PIP5K1A: variants seen among roughly 807,000 people sequenced by gnomAD.
PIP5K1A encodes the protein phosphatidylinositol 4-phosphate 5-kinase type-1 alpha.
Under a neutral mutation model 72.9 loss-of-function variants are expected in PIP5K1A, and 46 were observed. The observed-to-expected ratio is 0.63, with a 90% CI of 0.50 to 0.81. The LOEUF (loss-of-function observed/expected upper bound fraction) is 0.81. Ranked by LOEUF, PIP5K1A falls within the 30% of genes least tolerant of loss-of-function variation. The pLI is 0.00. For missense variants in PIP5K1A, 458 were observed against 706.1 expected, an observed-to-expected ratio of 0.65 and a Z score of 3.98; for synonymous variants, 228 against 255.1, an observed-to-expected ratio of 0.89 and a Z score of 1.01.
chr1:151,219,257 C>T (rs1324652693), intron 1 of PIP5K1A, among the ~76,000 whole-genome samples: 4 of 151,598 alleles, frequency 2.6e-5, no homozygotes, highest in African/African-American at 4.9e-5. Context: ...GGTGCACACC[C>T]GTAATCCTGG....
chr1:151,239,031 C>T (rs1053319254), intron 10 of PIP5K1A, 99 bp from the exon 11 acceptor site: 29 of 832,032 alleles, frequency 3.5e-5, no homozygotes, highest in Non-Finnish European at 5.2e-5. Flanking sequence ...TCTGTCTTTT[C>T]AAGATTTTCT....
At chr1:151,234,634 A>C (rs1690594261) in intron 8 of PIP5K1A, 138 bp downstream of exon 8, 2 of 660,900 alleles carry the variant, frequency 3.0e-6, no homozygotes, top group South Asian at 3.8e-5. Flanking sequence ...AGTCTTAATT[A>C]GTTCATTGCC....
chr1:151,229,513 C>A (rs919099534), intron 4 of PIP5K1A, among the ~76,000 whole-genome samples: 3 of 151,740 alleles, frequency 2.0e-5, no homozygotes, highest in Non-Finnish European at 4.4e-5. Flanking sequence ...AGGCATGCAC[C>A]ACCATGCCTG....
chr1:151,215,890 A>G (rs587673937), intron 1 of PIP5K1A: 4 of 769,274 alleles, frequency 5.2e-6, no homozygotes, highest in South Asian at 2.8e-5. Context: ...TTTTAAAAAC[A>G]TGTATGCTTA....
At position 151,198,593 on chromosome 1, in the gene PIP5K1A, GCGATTAACAGGC is replaced by G. The variant is rs1403263502; in HGVS notation, c.-401_-390del. 9.6e-6 allele frequency: 2 copies of G among 208,616 alleles called. No homozygotes were observed. The highest frequency in any genetic ancestry group is 4.7e-5 in the African/African-American group (2 of 42,920). 12.9% of individuals were successfully genotyped at this position (208,616 alleles called of 1,614,324 possible). ...ACCCGGAGTGAAGCGGCCGGGTTGG[GCGATTAACAGGC>G]CGTGGTTAGGAAGGACGGAGAAGGG... is the stretch of plus-strand genomic sequence containing the variant. On this transcript the variant is annotated 5_prime_UTR_variant, in exon 1 of 16. Coordinates refer to ENST00000368888, the MANE Select transcript of PIP5K1A (RefSeq NM_001135638.2).
intron 4 of PIP5K1A, among the ~76,000 whole-genome samples, chr1:151,230,620 C>T (rs941368891): frequency 1.3e-5 from 2 of 152,218 alleles, no homozygotes; most frequent in Non-Finnish European, 2.9e-5. Context: ...TGGCTCACTG[C>T]AGCCTCCGCC....
At chr1:151,214,664 A>C (rs1199085727) in intron 1 of PIP5K1A, among the ~76,000 whole-genome samples, 1 of 152,062 alleles carries the variant, frequency 6.6e-6, no homozygotes, top group Non-Finnish European at 1.5e-5. Flanking sequence ...TACAGGCGTG[A>C]GCCACAGCAC....
chr1:151,239,939 T>G lies in PIP5K1A; in HGVS notation c.1279-16T>G. ...GCCGGGCCTCCTAACTCTATAGCAT[T>G]TCTTCTGCTCTGCAGGACACTGTCT... On this transcript the variant is annotated splice_polypyrimidine_tract_variant and intron_variant, in intron 11 of 15. Transcript: ENST00000368888. 1.2e-6 allele frequency: 2 copies of G among 1,602,888 alleles called. No individual in the cohort carries two copies. The highest frequency in any genetic ancestry group is 1.1e-5 in the South Asian group (1 of 90,846).
chr1:151,247,808 C>T, intron 15 of PIP5K1A, 55 bp from the exon 16 acceptor site: 3 of 1,452,806 alleles, frequency 2.1e-6, no homozygotes, highest in Admixed American at 2.0e-5. Context: ...GCTTGAATTC[C>T]ATTTCTGCTT....
At chr1:151,236,821 C>CT (rs369523470) in intron 9 of PIP5K1A, 58 bp downstream of exon 9, 75,427 of 489,642 alleles carry the variant, frequency 0.15, 260 homozygotes, top group Middle Eastern at 0.17. Flanking sequence ...CTTTTCTTTT[C>CT]TTTTTTTTTT....
upstream of PIP5K1A, chr1:151,198,047 C>T (rs752376028): frequency 1.5e-5 from 7 of 470,770 alleles, no homozygotes; most frequent in Non-Finnish European, 3.1e-5. Flanking sequence ...AACTCCGTCA[C>T]TGTGCAGTGC....
chr1:151,200,922 C>T (rs1412961704), intron 1 of PIP5K1A, among the ~76,000 whole-genome samples: 3 of 152,026 alleles, frequency 2.0e-5, no homozygotes, highest in African/African-American at 7.3e-5. Context: ...CTCTGCCTCC[C>T]GGGTTCACGC....
In PIP5K1A at chr1:151,241,999, A is replaced by T. The variant is rs891908250; in HGVS notation, c.1364-124A>T. 9 of 860,654 alleles carry T rather than the reference A, an allele frequency of 1.0e-5. No homozygotes were observed. In the African/African-American group the frequency reaches 1.3e-4, roughly 13 times the overall value. 53.3% of individuals were successfully genotyped at this position (860,654 alleles called of 1,614,324 possible). ...TCATAGGCCTGTCTTTGTTGACATT[A>T]GCCTTTTCACTTTTCAGACCAACTT... On this transcript the variant is annotated intron_variant, in intron 12 of 15. Transcript: ENST00000368888.
chr1:151,231,782 G>C lies in PIP5K1A; in HGVS notation c.349G>C (p.Glu117Gln). ...DVLMQDFYVV[E>Q]SIFFPSEGSN... ...CCTCATGCAAGATTTCTACGTGGTT[G>C]AGAGTATCTTCTTTCCCAGGTACAG... The change falls in exon 5 of 16, where the codon GAG (glutamate) becomes CAG (glutamine). Residue 117 changes from glutamate (E) to glutamine (Q), a missense_variant. Around this residue, in one of 3 missense-constraint regions of PIP5K1A, gnomAD observed 220 missense variants for 442.6 expected, o/e 0.50. Transcript: ENST00000368888. 1 of 1,613,986 alleles carries C rather than the reference G, an allele frequency of 6.2e-7. No individual in the cohort carries two copies. The highest frequency in any genetic ancestry group is 1.3e-5 in the African/African-American group (1 of 75,036).
chr1:151,197,942 G>C (rs1414210817), upstream of PIP5K1A: 2 of 422,278 alleles, frequency 4.7e-6, no homozygotes, highest in African/African-American at 4.1e-5. Context: ...GAGGCTAAAG[G>C]GGTTGGGTCG....
chr1:151,249,228 C>T lies in PIP5K1A; in HGVS notation c.*1363C>T, dbSNP rs1431487386. ...CAAATAACTGTCTATATTAGACACCCCCAGCCAGTTTCTGGCTGCCTGTCT... is the reference window on the plus strand; with the variant it reads ...CAAATAACTGTCTATATTAGACACCTCCAGCCAGTTTCTGGCTGCCTGTCT... On this transcript the variant is annotated 3_prime_UTR_variant, in exon 16 of 16. Coordinates refer to ENST00000368888, the MANE Select transcript of PIP5K1A (RefSeq NM_001135638.2). 1 of 152,134 alleles carries T rather than the reference C, an allele frequency of 6.6e-6. No homozygotes were observed. The highest frequency in any genetic ancestry group is 1.5e-5 in the Non-Finnish European group (1 of 68,018). 9.4% of individuals were successfully genotyped at this position (152,134 alleles called of 1,614,324 possible).
chr1:151,212,390 G>GT (rs960696548), intron 1 of PIP5K1A, among the ~76,000 whole-genome samples: 2 of 152,136 alleles, frequency 1.3e-5, no homozygotes, highest in African/African-American at 4.8e-5. Context: ...CAGTGGCTGG[G>GT]TAGTAGCAAG....
At chr1:151,196,545 T>C (rs1488209089), upstream of PIP5K1A, among the ~76,000 whole-genome samples, 2 of 131,590 alleles carry the variant, frequency 1.5e-5, no homozygotes, top group Non-Finnish European at 3.2e-5. Context: ...AGTAAATGCA[T>C]GGGGATTTTT....
At chr1:151,204,055 G>A (rs189446227) in intron 1 of PIP5K1A, among the ~76,000 whole-genome samples, 1 of 152,126 alleles carries the variant, frequency 6.6e-6, no homozygotes, top group African/African-American at 2.4e-5. Context: ...TTTTGCTTGG[G>A]ACTTTTATAG....
Sources: allele counts gnomAD v4.1 joint callset (sites outside exome capture counted in the v4.1 genomes callset), GRCh38; gene constraint gnomAD v4.1.1; regional missense constraint gnomAD v4.1.1; transcripts MANE v1.5; gene names NCBI Gene and HGNC (gene_info 2026-07-23, HGNC 2026-07-21).